Variants in CDH22 observed in about 807,000 individuals in gnomAD.
CDH22 encodes cadherin-22.
A neutral mutation model predicts 58.4 loss-of-function variants in CDH22; 30 were observed. The observed-to-expected ratio is 0.51, with a 90% confidence interval of 0.38 to 0.70. The LOEUF is 0.70. CDH22 is among the 30% of genes least tolerant of loss of function. The pLI is 0.00. For synonymous variants in CDH22, 513 were observed against 558.2 expected, an observed-to-expected ratio of 0.92 and a Z score of 1.14; for missense variants, 1,014 against 1,233.9, an observed-to-expected ratio of 0.82 and a Z score of 2.67.
At chr20:46,307,527 G>C (rs1269358053) in intron 1 of CDH22, among the ~76,000 whole-genome samples, 1 of 152,186 alleles carries the variant, frequency 6.6e-6, no homozygotes, top group African/African-American at 2.4e-5. Context: ...CTCCGGAGTC[G>C]GGTCCTAAGG....
chr20:46,271,877 T>C (rs1218140829), intron 1 of CDH22, among the ~76,000 whole-genome samples: 1 of 152,170 alleles, frequency 6.6e-6, no homozygotes, highest in Non-Finnish European at 1.5e-5. Flanking sequence ...GTATCCTCAG[T>C]CCTAACCTCT....
intron 10 of CDH22, among the ~76,000 whole-genome samples, chr20:46,178,476 CA>C (rs549594185): frequency 3.2e-4 from 49 of 152,114 alleles, no homozygotes; most frequent in South Asian, 2.7e-3. Flanking sequence ...CAAACCATCC[CA>C]AGATTCTGTT....
At chr20:46,246,666 G>T (rs573659924) in intron 2 of CDH22, among the ~76,000 whole-genome samples, 4 of 152,136 alleles carry the variant, frequency 2.6e-5, no homozygotes, top group African/African-American at 4.8e-5. Flanking sequence ...GGGGCCCAGC[G>T]GTTCCTGTGG....
chr20:46,187,991 G>A lies in CDH22; in HGVS notation c.1424-1044C>T, dbSNP rs561328126. 7.6e-4 allele frequency among the ~76,000 whole-genome samples: 115 copies of A among 152,276 alleles called. 1 individual carries two copies. Among genetic ancestry groups the A allele is most frequent in the African/African-American group, 2.4e-3 (98 of 41,542 alleles). On this transcript the variant is annotated intron_variant, in intron 8 of 11. Coordinates refer to ENST00000537909, the MANE Select transcript of CDH22 (RefSeq NM_021248.3). The stretch of plus-strand genomic sequence containing the variant: ...GACAAGTCCAAGGAGGTAGATCTTC[G>A]CCAGCAAAACCATGATGTCCCCACC...
chr20:46,174,587 G>A lies in CDH22; in HGVS notation c.2406C>T (p.Leu802=). The A allele has an allele frequency of 1.3e-6, 2 of 1,533,564 alleles. No individual in the cohort carries two copies. Among genetic ancestry groups the A allele is most frequent in the Non-Finnish European group, 1.7e-6 (2 of 1,145,008 alleles). 95.0% of individuals were successfully genotyped at this position (1,533,564 alleles called of 1,614,324 possible). A position where few individuals can be genotyped will look rare whatever the true frequency, so the allele number is the denominator to read the frequency against. Residue 802 remains leucine, a synonymous_variant, in exon 12 of 12, where the codon CTC becomes CTT. Transcript: ENST00000537909. The surrounding 1 kb of genome is among the most constrained non-coding windows in gnomAD (Gnocchi z 4.4). ...GCCGGAAGCGCGGACCCCAGCTGCT[G>A]AGATAGGCGAAGTCCTGCTCGGAGC... ...SSGSEQDFAY[L]SSWGPRFRPL...
intron 7 of CDH22, among the ~76,000 whole-genome samples, chr20:46,203,528 G>C (rs1568657192): frequency 6.6e-6 from 1 of 152,210 alleles, no homozygotes; most frequent in Non-Finnish European, 1.5e-5. Context: ...TCTGGATCCA[G>C]GTCTGCATTG....
chr20:46,207,232 A>C (rs992603176), intron 7 of CDH22, among the ~76,000 whole-genome samples: 4 of 152,240 alleles, frequency 2.6e-5, no homozygotes, highest in Non-Finnish European at 2.9e-5. Context: ...CAGGTTTCAA[A>C]GTTGGCCCTT....
Position 46,173,980 on chromosome 20 carries a change from C to A in CDH22, c.*526G>T, listed in dbSNP as rs1323354548. The A allele has an allele frequency of 6.5e-6, 1 of 153,318 alleles. No individual in the cohort carries two copies. The highest frequency in any genetic ancestry group is 1.5e-5 in the Non-Finnish European group (1 of 68,878). 9.5% of individuals were successfully genotyped at this position (153,318 alleles called of 1,614,324 possible). On this transcript the variant is annotated 3_prime_UTR_variant, in exon 12 of 12. Coordinates refer to ENST00000537909, the MANE Select transcript of CDH22 (RefSeq NM_021248.3). Reference sequence around the variant, plus strand: ...CCAGGTGCCCTTGGACGGGTCACAGCCACTTCTCTGGGGTCCTTTCCCCTT... The same window carrying A: ...CCAGGTGCCCTTGGACGGGTCACAGACACTTCTCTGGGGTCCTTTCCCCTT...
At chr20:46,252,522 A>G (rs530131381) in intron 1 of CDH22, among the ~76,000 whole-genome samples, 1 of 152,358 alleles carries the variant, frequency 6.6e-6, no homozygotes, top group East Asian at 1.9e-4. Context: ...CGCCTACTCA[A>G]GCCATAAGAT....
rs1198821160 is a variant in CDH22, at chr20:46,174,866, T to G, written c.2127A>C (p.Gly709=). ...CGCCCCCGCCCGAGCCCCCGCCCGC[T>G]CCCCCGCCCGCGCTGCCGCCCCCGT... ...GGDGGGSAGG[G]AGGGSGGGAG... is the part of the protein sequence containing the mutation. The change falls in exon 12 of 12, where the codon GGA becomes GGC. Residue 709 remains glycine, a synonymous_variant. Transcript: ENST00000537909. This position sits in a 1 kb window ranked among gnomAD's most constrained non-coding sequence, Gnocchi z 4.4. 10 of 633,224 alleles carry G rather than the reference T, an allele frequency of 1.6e-5. No individual in the cohort carries two copies. Among genetic ancestry groups the G allele is most frequent in the African/African-American group, 2.9e-5 (1 of 34,464 alleles). 39.2% of individuals were successfully genotyped at this position (633,224 alleles called of 1,614,324 possible).
chr20:46,219,481 T>A (rs2086108870), intron 4 of CDH22, among the ~76,000 whole-genome samples: 1 of 152,162 alleles, frequency 6.6e-6, no homozygotes, highest in African/African-American at 2.4e-5. Context: ...GCAGGATAAT[T>A]CTCTGTAGTG....
intron 11 of CDH22, 76 bp downstream of exon 11, chr20:46,177,870 G>C: frequency 6.4e-7 from 1 of 1,555,456 alleles, no homozygotes; most frequent in Non-Finnish European, 8.7e-7. Flanking sequence ...GCCCCATGGG[G>C]GCTGGTTAGG....
intron 11 of CDH22, 132 bp from the exon 12 acceptor site, chr20:46,175,209 G>A (rs1372915919): frequency 2.3e-6 from 2 of 863,368 alleles, no homozygotes; most frequent in Non-Finnish European, 3.4e-6. Context: ...CAGATTTCCT[G>A]GATTTCTGTT....
chr20:46,197,295 GATAT>G (rs34730995), intron 8 of CDH22, among the ~76,000 whole-genome samples: 39 of 141,824 alleles, frequency 2.7e-4, no homozygotes, highest in African/African-American at 3.3e-4. Context: ...TCTAGGCCAG[GATAT>G]ATATATATAT....
chr20:46,183,883 C>T (rs1480948950), intron 10 of CDH22, among the ~76,000 whole-genome samples: 1 of 152,156 alleles, frequency 6.6e-6, no homozygotes, highest in Non-Finnish European at 1.5e-5. Context: ...CCTCCCAGTC[C>T]TGTCTCTTAC....
At chr20:46,243,923 A>G (rs2086310350) in intron 2 of CDH22, among the ~76,000 whole-genome samples, 6 of 152,216 alleles carry the variant, frequency 3.9e-5, no homozygotes, top group Admixed American at 3.9e-4. Flanking sequence ...GTGCTGTGTC[A>G]CATGGCTAAG....
At chr20:46,235,995 C>T (rs77062839) in intron 3 of CDH22, among the ~76,000 whole-genome samples, 3,062 of 152,264 alleles carry the variant, frequency 0.02, 106 homozygotes, top group African/African-American at 0.069. Flanking sequence ...TAATCAGACT[C>T]CAGATATTCT....
intron 1 of CDH22, among the ~76,000 whole-genome samples, chr20:46,306,504 C>T (rs554046459): frequency 4.4e-4 from 67 of 152,190 alleles, no homozygotes; most frequent in Non-Finnish European, 8.5e-4. Flanking sequence ...TACCTGCCCC[C>T]GAGGCACTGG....
chr20:46,243,359 C>T lies in CDH22; in HGVS notation c.256-2102G>A, dbSNP rs528391047. On this transcript the variant is annotated intron_variant, in intron 2 of 11. Transcript: ENST00000537909. The stretch of plus-strand genomic sequence containing the variant: ...TTAATGGGCATCTCTCTCTTTTTGG[C>T]GAGTCTGCTGATTCTCAGCAGAAAT... Among the ~76,000 whole-genome samples, 21 of 152,286 alleles carry T rather than the reference C, an allele frequency of 1.4e-4. No individual in the cohort carries two copies. In the East Asian group the frequency reaches 3.5e-3, roughly 25 times the overall value.
Sources: gnomAD v4.1 joint callset for allele counts (sites outside exome capture counted in the v4.1 genomes callset) on GRCh38, gnomAD v4.1.1 for gene constraint, Gnocchi (gnomAD v3.1) non-coding constraint, MANE v1.5 for transcripts, NCBI Gene and HGNC (gene_info 2026-07-23, HGNC 2026-07-21) for gene names.